PSMD1: variants seen among roughly 807,000 people sequenced by gnomAD.
PSMD1 encodes 26S proteasome non-ATPase regulatory subunit 1.
PSMD1 carries 18 observed loss-of-function variants against 119.0 expected under a neutral mutation model. That is an observed-to-expected ratio of 0.15 (90% CI 0.10 to 0.22). The LOEUF is 0.22. PSMD1 is among the 10% of genes least tolerant of loss of function. PSMD1 has a pLI of 1.00. For synonymous variants in PSMD1, 374 were observed against 396.6 expected (o/e 0.94, Z 0.68); for missense variants, 702 against 1,158.5 (o/e 0.61, Z 5.72).
Position 231,155,074 on chromosome 2 carries a change from A to T in PSMD1, c.2218+1408A>T, listed in dbSNP as rs146387739. On this transcript the variant is annotated intron_variant, in intron 19 of 24. Transcript: ENST00000308696. Reference sequence around the variant, plus strand: ...TTATTATTGGTGACCTCTCAATAGGATAAGAGGAGAAGAGCAGATACATAC... The same window carrying T: ...TTATTATTGGTGACCTCTCAATAGGTTAAGAGGAGAAGAGCAGATACATAC... Among the ~76,000 whole-genome samples, 5 of 152,304 alleles carry T rather than the reference A, an allele frequency of 3.3e-5. No individual in the cohort carries two copies. The East Asian group carries it at 9.6e-4, about 29-fold the overall frequency.
chr2:231,112,331 C>T (rs539027346), intron 16 of PSMD1, among the ~76,000 whole-genome samples: 1 of 152,366 alleles, frequency 6.6e-6, no homozygotes, highest in East Asian at 1.9e-4. Flanking sequence ...TGGTTCTGCT[C>T]TGTCGGCATC....
At chr2:231,083,819 T>A in intron 14 of PSMD1, 56 bp downstream of exon 14, 1 of 1,535,874 alleles carries the variant, frequency 6.5e-7, no homozygotes, top group Non-Finnish European at 8.9e-7. Context: ...AAAAAACACT[T>A]AACTTCACTG....
chr2:231,147,027 G>A (rs770580944), intron 18 of PSMD1, among the ~76,000 whole-genome samples: 56 of 152,200 alleles, frequency 3.7e-4, no homozygotes, highest in Non-Finnish European at 5.1e-4. Flanking sequence ...AGCAGCCCCT[G>A]ATCATATTGG....
rs1696526648 is a variant in PSMD1 at position 231,157,274 on chromosome 2, A to G, written c.2218+3608A>G. Among the ~76,000 whole-genome samples the G allele has an allele frequency of 4.0e-5, 6 of 151,794 alleles. No individual in the cohort carries two copies. The South Asian group carries it at 1.2e-3, about 31-fold the overall frequency. On this transcript the variant is annotated intron_variant, in intron 19 of 24. Transcript: ENST00000308696. ...CAAGGAGCAATACAAAAAAAGAAAA[A>G]TAAATTTTTAATTAAAAATATAAAA...
chr2:231,100,918 C>T (rs542083338), intron 16 of PSMD1, among the ~76,000 whole-genome samples: 4 of 152,314 alleles, frequency 2.6e-5, no homozygotes, highest in South Asian at 2.1e-4. Context: ...AGGGTTCCCT[C>T]GCAATCTGTT....
intron 16 of PSMD1, among the ~76,000 whole-genome samples, chr2:231,095,051 G>C (rs1207488967): frequency 6.6e-6 from 1 of 152,172 alleles, no homozygotes; most frequent in African/African-American, 2.4e-5. Flanking sequence ...TATTAACCCT[G>C]TCGGGAGTGT....
At chr2:231,154,124 A>G (rs1696429960) in intron 19 of PSMD1, among the ~76,000 whole-genome samples, 1 of 151,262 alleles carries the variant, frequency 6.6e-6, no homozygotes, top group Non-Finnish European at 1.5e-5. Context: ...CAAAAACAAA[A>G]AAACCAAAAA....
In PSMD1 at chr2:231,138,835, T is replaced by A. The variant is rs1378650916; in HGVS notation, c.1983T>A (p.Ala661=). 1 of 1,613,934 alleles carries A rather than the reference T, an allele frequency of 6.2e-7. No individual in the cohort carries two copies. The highest frequency in any genetic ancestry group is 2.2e-5 in the East Asian group (1 of 44,868). The change falls in exon 17 of 25, where the codon GCT becomes GCA. Residue 661 remains alanine, a synonymous_variant. Transcript: ENST00000308696. ...GAAMALGICC[A]GTGNKEAINL... is the part of the protein sequence containing the mutation. Reference sequence around the variant, plus strand: ...CAATGGCCTTGGGGATATGCTGTGCTGGTACAGGAAACAAGGTAAAGCCCA... The same window carrying A: ...CAATGGCCTTGGGGATATGCTGTGCAGGTACAGGAAACAAGGTAAAGCCCA...
intron 15 of PSMD1, among the ~76,000 whole-genome samples, chr2:231,086,423 G>T (rs1264793417): frequency 6.6e-6 from 1 of 152,024 alleles, no homozygotes; most frequent in Non-Finnish European, 1.5e-5. Flanking sequence ...TTGGGAGGCA[G>T]TGGTGGGCAG....
intron 15 of PSMD1, 74 bp from the exon 16 acceptor site, chr2:231,087,043 T>C: frequency 8.1e-7 from 1 of 1,232,928 alleles, no homozygotes; most frequent in South Asian, 1.2e-5. Context: ...TGTTGAATGA[T>C]GCTGACCTCT....
At chr2:231,114,806 T>C (rs73084059) in intron 16 of PSMD1, among the ~76,000 whole-genome samples, 1 of 152,320 alleles carries the variant, frequency 6.6e-6, no homozygotes, top group African/African-American at 2.4e-5. Context: ...TTCATACATA[T>C]GTGAATTTAA....
intron 16 of PSMD1, among the ~76,000 whole-genome samples, chr2:231,096,177 C>G (rs1694719708): frequency 6.6e-6 from 1 of 152,184 alleles, no homozygotes; most frequent in Non-Finnish European, 1.5e-5. Context: ...CCTTGTTGAT[C>G]TTGCATTACC....
chr2:231,058,053 C>T (rs552889012), intron 1 of PSMD1, among the ~76,000 whole-genome samples: 1 of 152,258 alleles, frequency 6.6e-6, no homozygotes, highest in East Asian at 1.9e-4. Flanking sequence ...TACTGGGAGA[C>T]GTAGTTACTT....
intron 16 of PSMD1, among the ~76,000 whole-genome samples, chr2:231,134,159 A>G (rs903171061): frequency 6.6e-6 from 1 of 152,244 alleles, no homozygotes; most frequent in Non-Finnish European, 1.5e-5. Flanking sequence ...ATGATGAACC[A>G]GAAGTATAGT....
intron 13 of PSMD1, 90 bp downstream of exon 13, chr2:231,083,084 TAAA>T: frequency 1.0e-6 from 1 of 972,918 alleles, no homozygotes; most frequent in South Asian, 1.7e-5. Context: ...TGTAGCCTCT[TAAA>T]ATTCCGATGG....
intron 21 of PSMD1, 164 bp from the exon 22 acceptor site, chr2:231,165,036 A>T (rs181202209): frequency 0.38 from 3,355 of 8,946 alleles, 117 homozygotes; most frequent in Admixed American, 0.41. Context: ...ATATATATTT[A>T]TATATATATA....
intron 7 of PSMD1, among the ~76,000 whole-genome samples, chr2:231,073,470 A>G (rs2125163470): frequency 6.6e-6 from 1 of 152,236 alleles, no homozygotes; most frequent in East Asian, 1.9e-4. Context: ...AAGACCTACA[A>G]TTTTGATTCT....
intron 16 of PSMD1, among the ~76,000 whole-genome samples, chr2:231,100,028 G>A (rs183553514): frequency 6.7e-4 from 102 of 152,126 alleles, no homozygotes; most frequent in African/African-American, 2.3e-3. Flanking sequence ...CTGAGAGCTC[G>A]GGTTATTCCT....
chr2:231,149,091 GTCTTA>G (rs1294981612), intron 18 of PSMD1, among the ~76,000 whole-genome samples: 1 of 152,246 alleles, frequency 6.6e-6, no homozygotes, highest in Non-Finnish European at 1.5e-5. Context: ...CAAAGGAAAT[GTCTTA>G]TGTAACCATT....
Sources: gnomAD v4.1 joint callset for allele counts (sites outside exome capture counted in the v4.1 genomes callset) on GRCh38, gnomAD v4.1.1 for gene constraint, MANE v1.5 for transcripts, NCBI Gene and HGNC (gene_info 2026-07-23, HGNC 2026-07-21) for gene names.